PTDSS1: variants seen among roughly 807,000 people sequenced by gnomAD.
The protein encoded by PTDSS1 is PSS-1.
PTDSS1 carries 45 observed loss-of-function variants against 70.5 expected under a neutral mutation model. The observed-to-expected ratio is 0.64, with a 90% confidence interval of 0.50 to 0.82. PTDSS1 has a LOEUF of 0.82. Ranked by LOEUF, PTDSS1 falls within the 40% of genes least tolerant of loss-of-function variation. The pLI, the probability that PTDSS1 is intolerant of heterozygous loss-of-function variation, is 0.00. For missense variants in PTDSS1, 417 were observed against 586.1 expected (o/e 0.71, Z 2.98); for synonymous variants, 188 against 203.8 (o/e 0.92, Z 0.66).
At chr8:96,272,398 C>T (rs1810579368) in intron 1 of PTDSS1, among the ~76,000 whole-genome samples, 1 of 152,190 alleles carries the variant, frequency 6.6e-6, no homozygotes, top group Non-Finnish European at 1.5e-5. Flanking sequence ...TCCCATGCAA[C>T]AGTTGTTAAT....
At chr8:96,303,328 A>G (rs1422708124) in intron 6 of PTDSS1, among the ~76,000 whole-genome samples, 2 of 152,146 alleles carry the variant, frequency 1.3e-5, no homozygotes, top group Admixed American at 6.5e-5. Context: ...CTGGTTTCCT[A>G]TCACTCTCCC....
At chr8:96,279,155 AT>A (rs1455692230) in intron 2 of PTDSS1, among the ~76,000 whole-genome samples, 3 of 129,392 alleles carry the variant, frequency 2.3e-5, no homozygotes, top group Non-Finnish European at 5.0e-5. Flanking sequence ...TTTTTTTTGT[AT>A]TTTTAGTAGA....
intron 4 of PTDSS1, among the ~76,000 whole-genome samples, chr8:96,293,456 C>T (rs1480450613): frequency 6.6e-6 from 1 of 151,668 alleles, no homozygotes; most frequent in Non-Finnish European, 1.5e-5. Flanking sequence ...CACTTGACCC[C>T]CTTTCCAGGC....
intron 2 of PTDSS1, among the ~76,000 whole-genome samples, chr8:96,274,563 T>C (rs1810613427): frequency 6.6e-6 from 1 of 152,046 alleles, no homozygotes; most frequent in Non-Finnish European, 1.5e-5. Flanking sequence ...CCGTCTCTAC[T>C]AAAAATACAA....
In PTDSS1 at chr8:96,333,964, TTTTTA is replaced by T. The variant is rs1288182351; in HGVS notation, c.*408_*412del. 2.2e-6 allele frequency: 1 copy of T among 458,672 alleles called. No homozygotes were observed. Among genetic ancestry groups the T allele is most frequent in the Non-Finnish European group, 3.9e-6 (1 of 259,440 alleles). 28.4% of individuals were successfully genotyped at this position (458,672 alleles called of 1,614,324 possible). A position where few individuals can be genotyped will look rare whatever the true frequency, so the allele number is the denominator to read the frequency against. On this transcript the variant is annotated 3_prime_UTR_variant, in exon 13 of 13. Coordinates refer to ENST00000517309, the MANE Select transcript of PTDSS1 (RefSeq NM_014754.3). ...CCATGGTTAATGGACTGGTCACCAG[TTTTTA>T]TTTTATTTTTATGAATCTACCTTTC... is the stretch of plus-strand genomic sequence containing the variant.
intron 10 of PTDSS1, among the ~76,000 whole-genome samples, chr8:96,327,902 G>T: frequency 6.6e-6 from 1 of 152,178 alleles, no homozygotes; most frequent in East Asian, 1.9e-4. Flanking sequence ...GACATTTTCA[G>T]TGGGTACGTG....
intron 2 of PTDSS1, among the ~76,000 whole-genome samples, chr8:96,281,348 C>T (rs1269904995): frequency 2.6e-5 from 4 of 152,148 alleles, no homozygotes; most frequent in Non-Finnish European, 5.9e-5. Context: ...CTCACACTCG[C>T]AGGGCGGCAG....
intron 5 of PTDSS1, 50 bp from the exon 6 acceptor site, chr8:96,299,644 G>C: frequency 2.6e-6 from 4 of 1,526,424 alleles, no homozygotes; most frequent in Non-Finnish European, 3.5e-6. Flanking sequence ...TATCTGCATG[G>C]TACCCCAGTT....
intron 2 of PTDSS1, among the ~76,000 whole-genome samples, chr8:96,276,708 G>A (rs1407442192): frequency 6.6e-6 from 1 of 152,142 alleles, no homozygotes; most frequent in Admixed American, 6.5e-5. Context: ...TATGTTTTCT[G>A]TCTCCTGCTG....
At chr8:96,328,043 G>C (rs1034435136) in intron 10 of PTDSS1, among the ~76,000 whole-genome samples, 8 of 152,262 alleles carry the variant, frequency 5.3e-5, no homozygotes, top group Non-Finnish European at 8.8e-5. Context: ...TTTGTGTGAC[G>C]ATTGTGATGA....
chr8:96,287,608 G>C (rs2130058626), intron 4 of PTDSS1, among the ~76,000 whole-genome samples: 1 of 152,194 alleles, frequency 6.6e-6, no homozygotes, highest in South Asian at 2.1e-4. Flanking sequence ...GGTCACGGTG[G>C]CTGCCCCTGC....
intron 10 of PTDSS1, among the ~76,000 whole-genome samples, chr8:96,320,557 T>G (rs1413866341): frequency 6.6e-6 from 1 of 152,158 alleles, no homozygotes; most frequent in East Asian, 1.9e-4. Context: ...CTCAGCAGAT[T>G]CCAGTCAAAC....
At chr8:96,321,836 G>A (rs187401969) in intron 10 of PTDSS1, among the ~76,000 whole-genome samples, 75 of 152,302 alleles carry the variant, frequency 4.9e-4, no homozygotes, top group Admixed American at 3.7e-3. Flanking sequence ...CAATAAAAGG[G>A]AATAATGATC....
At chr8:96,286,182 T>C (rs888723556) in intron 3 of PTDSS1, among the ~76,000 whole-genome samples, 6 of 152,162 alleles carry the variant, frequency 3.9e-5, no homozygotes. Context: ...CCAAGGTCAT[T>C]TGTATCACGG....
rs1168006911 is a variant in PTDSS1, at chr8:96,330,355, G to A, written c.1242+74G>A. The A allele has an allele frequency of 1.3e-5, 18 of 1,388,122 alleles. No homozygotes were observed. The Admixed American group carries it at 2.0e-4, about 15-fold the overall frequency. The allele number at this position is 1,388,122 out of a possible 1,614,324, so 86.0% of individuals were successfully genotyped here. The stretch of plus-strand genomic sequence containing the variant: ...GGCTCGGCAAATTCGCTCAGAGCAC[G>A]TGCCTGTAAGGATATGGCGAGGTAA... On this transcript the variant is annotated intron_variant, in intron 11 of 12. Transcript: ENST00000517309.
At chr8:96,309,885 G>A (rs915754687) in intron 9 of PTDSS1, among the ~76,000 whole-genome samples, 8 of 151,792 alleles carry the variant, frequency 5.3e-5, no homozygotes, top group South Asian at 2.1e-4. Flanking sequence ...TATTTTGGCC[G>A]GGTGCAGTGG....
rs1323113541 is a variant in PTDSS1, at chr8:96,287,136, CA to C, written c.432del (p.Asp145MetfsTer7). ...DPNLRYATRE[A>X]DVMEYAVNCH... ...AATCTTCGATACGCCACAAGGGAAG[CA>C]GATGTCATGGTATGTACTTGTCAGT... On this transcript the variant is annotated frameshift_variant, in exon 4 of 13. Coordinates refer to ENST00000517309, the MANE Select transcript of PTDSS1 (RefSeq NM_014754.3). LOFTEE classifies it high-confidence loss of function. 2 of 1,614,014 alleles carry C rather than the reference CA, an allele frequency of 1.2e-6. No homozygotes were observed. The highest frequency in any genetic ancestry group is 2.7e-5 in the African/African-American group (2 of 74,926).
chr8:96,303,958 A>G (rs1811085395), intron 6 of PTDSS1, 82 bp from the exon 7 acceptor site: 1 of 1,365,884 alleles, frequency 7.3e-7, no homozygotes, highest in Non-Finnish European at 1.0e-6. Context: ...AAAAATCATC[A>G]GTGCACAGGA....
At chr8:96,293,043 G>C (rs1339047980) in intron 4 of PTDSS1, among the ~76,000 whole-genome samples, 1 of 152,176 alleles carries the variant, frequency 6.6e-6, no homozygotes, top group African/African-American at 2.4e-5. Flanking sequence ...ATTGGGACGG[G>C]CATGCTACCC....
Sources: allele counts gnomAD v4.1 joint callset (sites outside exome capture counted in the v4.1 genomes callset), GRCh38; gene constraint gnomAD v4.1.1; transcripts MANE v1.5; gene names NCBI Gene and HGNC (gene_info 2026-07-23, HGNC 2026-07-21).